Variants in TANC2 observed in about 807,000 individuals in gnomAD.
TANC2 encodes protein TANC2.
A neutral mutation model predicts 210.5 loss-of-function variants in TANC2; 26 were observed. That is an observed-to-expected ratio of 0.12 (90% CI 0.09 to 0.17). TANC2 has a LOEUF of 0.17. Among genes scored for constraint, TANC2 ranks in the 10% least tolerant of loss-of-function variants. The probability of loss-of-function intolerance (pLI) is 1.00; values close to 1 mark genes in which losing one functional copy is unlikely to be tolerated. For synonymous variants in TANC2, 931 were observed against 967.1 expected, an observed-to-expected ratio of 0.96 and a Z score of 0.69; for missense variants, 2,129 against 2,608.9, an observed-to-expected ratio of 0.82 and a Z score of 4.01.
chr17:63,261,426 A>C (rs1248922994), intron 8 of TANC2, among the ~76,000 whole-genome samples: 2 of 152,146 alleles, frequency 1.3e-5, no homozygotes, highest in African/African-American at 2.4e-5. Flanking sequence ...CAAAGCTGAC[A>C]CTTACATCTC....
At chr17:63,382,292 C>T (rs1404254691) in intron 15 of TANC2, among the ~76,000 whole-genome samples, 1 of 152,148 alleles carries the variant, frequency 6.6e-6, no homozygotes, top group Non-Finnish European at 1.5e-5. Context: ...TCCATTCTTA[C>T]TCAGCTCCTT....
At chr17:63,176,500 T>C (rs140610404) in intron 5 of TANC2, among the ~76,000 whole-genome samples, 11 of 152,152 alleles carry the variant, frequency 7.2e-5, no homozygotes, top group Admixed American at 3.3e-4. Context: ...TTATAGAAAA[T>C]AGAAACTAAA....
chr17:63,345,409 C>T (rs760026828), intron 12 of TANC2, among the ~76,000 whole-genome samples: 18 of 152,092 alleles, frequency 1.2e-4, no homozygotes, highest in Non-Finnish European at 2.6e-4. Flanking sequence ...CACCTGAGGT[C>T]GGGAGTTTGA....
intron 21 of TANC2, 128 bp downstream of exon 21, chr17:63,406,405 G>T: frequency 7.7e-7 from 1 of 1,299,472 alleles, no homozygotes; most frequent in Non-Finnish European, 1.1e-6. Flanking sequence ...AAAATGAAAG[G>T]CTATCTCCTC....
intron 7 of TANC2, among the ~76,000 whole-genome samples, chr17:63,219,184 A>G (rs2042103641): frequency 6.6e-6 from 1 of 152,198 alleles, no homozygotes; most frequent in African/African-American, 2.4e-5. Flanking sequence ...TTCTTTCTAA[A>G]TTGATCTATT....
At chr17:63,162,003 A>G (rs779715577) in intron 5 of TANC2, among the ~76,000 whole-genome samples, 3 of 152,120 alleles carry the variant, frequency 2.0e-5, no homozygotes, top group Non-Finnish European at 4.4e-5. Flanking sequence ...TAGAATCTTG[A>G]TGGCAGAAAT....
At chr17:63,140,519 A>T (rs1250108589) in intron 4 of TANC2, among the ~76,000 whole-genome samples, 2 of 152,142 alleles carry the variant, frequency 1.3e-5, no homozygotes, top group Non-Finnish European at 2.9e-5. Flanking sequence ...TCATGCAGGG[A>T]CTATGTCACT....
chr17:62,978,819 A>AC (rs2032157351), intron 1 of TANC2: 1 of 152,060 alleles, frequency 6.6e-6, no homozygotes, highest in Non-Finnish European at 1.5e-5. Flanking sequence ...GTCTTCTGTG[A>AC]TATTGTTCTT....
At chr17:63,168,420 C>T (rs1251378655) in intron 5 of TANC2, among the ~76,000 whole-genome samples, 1 of 152,124 alleles carries the variant, frequency 6.6e-6, no homozygotes, top group Non-Finnish European at 1.5e-5. Flanking sequence ...TTTCTACCTA[C>T]CTGCAAGGGA....
chr17:63,179,857 T>C (rs1031300754), intron 5 of TANC2, among the ~76,000 whole-genome samples: 1 of 151,932 alleles, frequency 6.6e-6, no homozygotes, highest in African/African-American at 2.4e-5. Flanking sequence ...ATTTACAAAA[T>C]ATTTCTTCTA....
chr17:63,218,462 CTCAA>C (rs1457797015), intron 7 of TANC2, among the ~76,000 whole-genome samples: 1 of 151,972 alleles, frequency 6.6e-6, no homozygotes, highest in Admixed American at 6.6e-5. Context: ...TGTTGGCAGT[CTCAA>C]TCAGTGAAAT....
chr17:63,319,550 C>A (rs1231260413), intron 11 of TANC2, among the ~76,000 whole-genome samples: 1 of 152,122 alleles, frequency 6.6e-6, no homozygotes, highest in East Asian at 1.9e-4. Flanking sequence ...GGGGTTTTGC[C>A]ATGTTGGCCG....
At position 63,013,445 on chromosome 17, in the gene TANC2, T is replaced by A. The variant is rs897674718; in HGVS notation, c.67+3819T>A. Among the ~76,000 whole-genome samples, 16 of 152,288 alleles carry A rather than the reference T, an allele frequency of 1.1e-4. No homozygotes were observed. In the East Asian group the frequency reaches 1.5e-3, roughly 15 times the overall value. On this transcript the variant is annotated intron_variant, in intron 2 of 27. Coordinates refer to ENST00000689528, the Ensembl canonical transcript of TANC2. ...ACTGGTATGCCTAAGAGTATTTTTT[T>A]AATCTTTATCATTGAAAAAAATCTT...
chr17:63,159,739 G>A (rs970574087), intron 5 of TANC2, among the ~76,000 whole-genome samples: 1 of 152,162 alleles, frequency 6.6e-6, no homozygotes, highest in Non-Finnish European at 1.5e-5. Flanking sequence ...CAAATACTAC[G>A]TCATTTTGTA....
intron 7 of TANC2, among the ~76,000 whole-genome samples, chr17:63,227,898 C>T (rs2042369992): frequency 6.6e-6 from 1 of 151,792 alleles, no homozygotes; most frequent in South Asian, 2.1e-4. Context: ...GAGTTTTGTT[C>T]TGTCACCCAG....
chr17:62,993,603 G>A (rs1004337658), intron 1 of TANC2, among the ~76,000 whole-genome samples: 1 of 151,430 alleles, frequency 6.6e-6, no homozygotes, highest in Admixed American at 6.6e-5. Context: ...TTCATTTTTG[G>A]ATTGTTCATT....
rs572607096 is a variant in TANC2 at position 63,329,979 on chromosome 17, A to G, written c.1576-10122A>G. On this transcript the variant is annotated intron_variant, in intron 11 of 27. Coordinates refer to ENST00000689528, the Ensembl canonical transcript of TANC2. Reference sequence around the variant, plus strand: ...GCCTCTTGCACCAAGCAAGTAATCAAGTTTTGAGTATAAGGGAAAAGTTCT... The same window carrying G: ...GCCTCTTGCACCAAGCAAGTAATCAGGTTTTGAGTATAAGGGAAAAGTTCT... Among the ~76,000 whole-genome samples, 52 of 152,254 alleles carry G rather than the reference A, an allele frequency of 3.4e-4. 1 individual carries two copies. The highest frequency in any genetic ancestry group is 5.6e-4 in the Non-Finnish European group (38 of 68,026).
chr17:63,157,060 T>C (rs1487216805), intron 5 of TANC2, among the ~76,000 whole-genome samples: 1 of 152,194 alleles, frequency 6.6e-6, no homozygotes, highest in Non-Finnish European at 1.5e-5. Flanking sequence ...ATGTGAGTTT[T>C]AATCTTCTGT....
In TANC2 at chr17:63,421,670, C is replaced by T. The variant is rs762434688; in HGVS notation, c.5940C>T (p.Ser1980=). 2.5e-6 allele frequency: 4 copies of T among 1,614,066 alleles called. No individual in the cohort carries two copies. In the South Asian group the frequency reaches 4.4e-5, roughly 18 times the overall value. ...CTGAGTCCTTCAGTCCACCATCATC[C>T]ATCAGCAACATTGCCTTTTATAACA... Residue 1980 remains serine (S), a synonymous_variant, in exon 28 of 28, where the codon TCC becomes TCT. Transcript: ENST00000689528. The surrounding 1 kb of genome is among the most constrained non-coding windows in gnomAD (Gnocchi z 6.9).
Sources: gnomAD v4.1 joint callset for allele counts (sites outside exome capture counted in the v4.1 genomes callset) on GRCh38, gnomAD v4.1.1 for gene constraint, Gnocchi (gnomAD v3.1) non-coding constraint, MANE v1.5 for transcripts, NCBI Gene and HGNC (gene_info 2026-07-23, HGNC 2026-07-21) for gene names.